The following SSBP3 variants were observed in gnomAD, a reference collection of about 807,000 sequenced individuals.
SSBP3 encodes single-stranded DNA-binding protein 3.
Under a neutral mutation model 69.6 loss-of-function variants are expected in SSBP3, and 5 were observed. That is an observed-to-expected ratio of 0.07 (90% CI 0.04 to 0.15). The LOEUF is 0.15. Ranked by LOEUF, SSBP3 falls within the 10% of genes least tolerant of loss-of-function variation. SSBP3 has a pLI of 1.00. For missense variants in SSBP3, 312 were observed against 534.0 expected (o/e 0.58, Z 4.10); for synonymous variants, 196 against 193.4 (o/e 1.01, Z -0.11).
chr1:54,264,931 C>T (rs1297390383), intron 5 of SSBP3, among the ~76,000 whole-genome samples: 1 of 152,206 alleles, frequency 6.6e-6, no homozygotes, highest in South Asian at 2.1e-4. Flanking sequence ...AGAGGACCTG[C>T]GGTACTGGCG....
chr1:54,321,160 C>T (rs1437572060), intron 4 of SSBP3, among the ~76,000 whole-genome samples: 1 of 152,218 alleles, frequency 6.6e-6, no homozygotes, highest in African/African-American at 2.4e-5. Context: ...CCTGGAGAGA[C>T]AGGAGATGCT....
intron 4 of SSBP3, among the ~76,000 whole-genome samples, chr1:54,322,984 G>A (rs1356875537): frequency 7.2e-5 from 11 of 152,192 alleles, no homozygotes; most frequent in African/African-American, 1.9e-4. Flanking sequence ...CATGGGTTTC[G>A]TTCACTGAAC....
intron 5 of SSBP3, among the ~76,000 whole-genome samples, chr1:54,261,547 G>C (rs1204550351): frequency 6.6e-6 from 1 of 152,210 alleles, no homozygotes; most frequent in Non-Finnish European, 1.5e-5. Flanking sequence ...TGGAAGGTGA[G>C]AGGAGGAGGG....
At chr1:54,349,245 C>A (rs941576174) in intron 4 of SSBP3, among the ~76,000 whole-genome samples, 2 of 152,200 alleles carry the variant, frequency 1.3e-5, no homozygotes, top group Non-Finnish European at 2.9e-5. Flanking sequence ...GTCTCTGTAC[C>A]ATCCACCAGC....
intron 4 of SSBP3, among the ~76,000 whole-genome samples, chr1:54,330,145 C>T (rs1646382143): frequency 6.6e-6 from 1 of 151,962 alleles, no homozygotes; most frequent in Non-Finnish European, 1.5e-5. Context: ...ACAGGCAGCC[C>T]CCAAAGCAGA....
chr1:54,241,601 GAA>G, intron 11 of SSBP3, 92 bp from the exon 12 acceptor site: 1 of 1,384,646 alleles, frequency 7.2e-7, no homozygotes, highest in South Asian at 1.2e-5. Context: ...CTCTTCACAG[GAA>G]AGGCATCGCC....
chr1:54,363,809 G>T (rs1024427887), intron 4 of SSBP3, among the ~76,000 whole-genome samples: 2 of 152,242 alleles, frequency 1.3e-5, no homozygotes, highest in Non-Finnish European at 2.9e-5. Flanking sequence ...TTCCTTAATC[G>T]GACTTAAAAT....
chr1:54,273,409 G>A lies in SSBP3; in HGVS notation c.366+8029C>T, dbSNP rs527915135. Among the ~76,000 whole-genome samples the A allele has an allele frequency of 3.3e-5, 5 of 152,342 alleles. No individual in the cohort carries two copies. The East Asian group carries it at 9.7e-4, about 29-fold the overall frequency. On this transcript the variant is annotated intron_variant, in intron 5 of 17. Coordinates refer to ENST00000610401, the Ensembl canonical transcript of SSBP3. ...TTAAGAGGGAGGGCGACTGAGCTGA[G>A]CCAGCCGCCGCCGAGGCAGCCTGGC...
At chr1:54,272,732 A>G (rs941021284) in intron 5 of SSBP3, among the ~76,000 whole-genome samples, 7 of 152,222 alleles carry the variant, frequency 4.6e-5, no homozygotes, top group African/African-American at 1.7e-4. Flanking sequence ...TTCCAGGCAC[A>G]GGGAAAAATC....
intron 4 of SSBP3, among the ~76,000 whole-genome samples, chr1:54,342,522 A>C (rs1215253642): frequency 3.2e-4 from 45 of 142,634 alleles, no homozygotes; most frequent in African/African-American, 6.1e-4. Flanking sequence ...TTCCCTCCCC[A>C]CCCCCTCCCA....
At chr1:54,271,997 C>T (rs1557482015) in intron 5 of SSBP3, among the ~76,000 whole-genome samples, 1 of 151,966 alleles carries the variant, frequency 6.6e-6, no homozygotes, top group Admixed American at 6.6e-5. Flanking sequence ...CTCGAACTCC[C>T]GACCTCAGGT....
chr1:54,259,504 G>T (rs1457039386), intron 5 of SSBP3, among the ~76,000 whole-genome samples: 2 of 152,206 alleles, frequency 1.3e-5, no homozygotes, highest in Non-Finnish European at 2.9e-5. Flanking sequence ...GAGGAGACAG[G>T]CCTCCATTCG....
At chr1:54,236,238 C>G (rs1367451528) in intron 14 of SSBP3, among the ~76,000 whole-genome samples, 1 of 152,128 alleles carries the variant, frequency 6.6e-6, no homozygotes, top group Non-Finnish European at 1.5e-5. Context: ...GCCTCAGCCT[C>G]CCGAGTGGCT....
At chr1:54,254,733 G>C (rs559524151) in intron 7 of SSBP3, among the ~76,000 whole-genome samples, 2 of 152,368 alleles carry the variant, frequency 1.3e-5, no homozygotes, top group South Asian at 2.1e-4. Context: ...GAAAGCCCCA[G>C]GGTCAATACC....
chr1:54,284,447 G>A (rs933922986), intron 4 of SSBP3, among the ~76,000 whole-genome samples: 1 of 150,996 alleles, frequency 6.6e-6, no homozygotes, highest in Non-Finnish European at 1.5e-5. Flanking sequence ...TCTAGACTAA[G>A]GGTAAGTTAT....
At chr1:54,237,928 C>T (rs371798674) in intron 14 of SSBP3, 68 of 359,304 alleles carry the variant, frequency 1.9e-4, no homozygotes, top group South Asian at 6.4e-4. Context: ...AGTGACCACT[C>T]GAGGCAGATC....
chr1:54,411,476 T>C (rs567587349), intron 1 of SSBP3, among the ~76,000 whole-genome samples: 2 of 114,200 alleles, frequency 1.8e-5, no homozygotes, highest in East Asian at 5.2e-4. Context: ...ATACTCTGTC[T>C]TGAAAAAAAA....
At chr1:54,343,877 G>C (rs190973776) in intron 4 of SSBP3, among the ~76,000 whole-genome samples, 65 of 152,344 alleles carry the variant, frequency 4.3e-4, no homozygotes, top group African/African-American at 1.5e-3. Context: ...AGGAGAAGGG[G>C]CTAGGAGAGC....
At chr1:54,256,019 T>C (rs1018184383) in intron 7 of SSBP3, among the ~76,000 whole-genome samples, 1 of 151,078 alleles carries the variant, frequency 6.6e-6, no homozygotes, top group African/African-American at 2.4e-5. Context: ...GAGGTTGCAG[T>C]GAGCAGAGAT....
Sources: gnomAD v4.1 joint callset for allele counts (sites outside exome capture counted in the v4.1 genomes callset) on GRCh38, gnomAD v4.1.1 for gene constraint, MANE v1.5 for transcripts, NCBI Gene and HGNC (gene_info 2026-07-23, HGNC 2026-07-21) for gene names.